PLEKHB2: variants seen among roughly 807,000 people sequenced by gnomAD.
PLEKHB2 encodes the protein pleckstrin homology domain containing B2, also known as pleckstrin homology domain-containing family B member 2.
Under a neutral mutation model 36.5 loss-of-function variants are expected in PLEKHB2, and 31 were observed. The observed-to-expected ratio is 0.85, with a 90% CI of 0.64 to 1.15. The LOEUF (loss-of-function observed/expected upper bound fraction) is 1.15. PLEKHB2 is among the 50% of genes most tolerant of loss of function. PLEKHB2 has a pLI of 0.00. For missense variants in PLEKHB2, 262 were observed against 295.3 expected, an observed-to-expected ratio of 0.89 and a Z score of 0.83; for synonymous variants, 119 against 112.0, an observed-to-expected ratio of 1.06 and a Z score of -0.39.
chr2:131,137,071 T>C (rs1330013112), intron 6 of PLEKHB2, among the ~76,000 whole-genome samples: 1 of 151,440 alleles, frequency 6.6e-6, no homozygotes, highest in Admixed American at 6.6e-5. Flanking sequence ...CTCAGCCTCC[T>C]GAGTAGCGGG....
At position 131,146,791 on chromosome 2, in the gene PLEKHB2, T is replaced by TGTGC. The variant is rs772262573; in HGVS notation, c.*19_*22dup. ...TCTTCTAGGGGCCTCAAGGTCTTGA[T>TGTGC]GTGCATAGCTTCTGATAACCCTGTG... On this transcript the variant is annotated 3_prime_UTR_variant, in exon 8 of 8. Transcript: ENST00000693505. The TGTGC allele has an allele frequency of 1.3e-6, 2 of 1,569,616 alleles. No homozygotes were observed. The highest frequency in any genetic ancestry group is 1.7e-6 in the Non-Finnish European group (2 of 1,156,994).
intron 6 of PLEKHB2, among the ~76,000 whole-genome samples, chr2:131,138,085 C>T (rs182896658): frequency 2.1e-5 from 3 of 144,546 alleles, no homozygotes; most frequent in East Asian, 2.0e-4. Flanking sequence ...TAATTTCTAC[C>T]CTTTATATTC....
chr2:131,146,576 T>G (rs568966956), intron 7 of PLEKHB2, 61 bp from the exon 8 acceptor site: 1 of 1,534,844 alleles, frequency 6.5e-7, no homozygotes, highest in Non-Finnish European at 8.8e-7. Context: ...ACTGGTACTT[T>G]GCGTGATGTT....
intron 7 of PLEKHB2, 101 bp downstream of exon 7, chr2:131,140,376 C>G (rs1573626552): frequency 4.8e-6 from 3 of 631,198 alleles, no homozygotes; most frequent in Non-Finnish European, 5.6e-6. Context: ...GTTACATGAG[C>G]TATATTTTCT....
Position 131,140,169 on chromosome 2 carries a change from G to A in PLEKHB2, c.426G>A (p.Gln142=), listed in dbSNP as rs1188276705. 1.2e-6 allele frequency: 2 copies of A among 1,600,012 alleles called. No homozygotes were observed. The highest frequency in any genetic ancestry group is 1.7e-6 in the Non-Finnish European group (2 of 1,169,336). ...YTAYAAPAPE[Q]AYGYGPYGGA... ...CTAATGGGCCTGTTTCTTTTCAGCAGGCTTATGGCTATGGGCCATACGGTG... is the reference window on the plus strand; with the variant it reads ...CTAATGGGCCTGTTTCTTTTCAGCAAGCTTATGGCTATGGGCCATACGGTG... Residue 142 remains glutamine (Q), a splice_region_variant and synonymous_variant, in exon 7 of 8, where the codon CAG becomes CAA. Transcript: ENST00000693505.
In PLEKHB2 at chr2:131,125,186, G is replaced by A. The variant is rs923162214; in HGVS notation, c.38-567G>A. The stretch of plus-strand genomic sequence containing the variant: ...AATCTGGCAATTTAGACAATATTTG[G>A]AAATTTAGAAAGTTGAAAAGTTTGA... On this transcript the variant is annotated intron_variant, in intron 2 of 7. Coordinates refer to ENST00000693505, the MANE Select transcript of PLEKHB2 (RefSeq NM_001100623.2). Among the ~76,000 whole-genome samples, 5 of 152,312 alleles carry A rather than the reference G, an allele frequency of 3.3e-5. No homozygotes were observed. In the East Asian group the frequency reaches 9.6e-4, roughly 29 times the overall value.
intron 3 of PLEKHB2, 78 bp downstream of exon 3, chr2:131,125,983 C>A: frequency 7.1e-7 from 1 of 1,407,464 alleles, no homozygotes; most frequent in Non-Finnish European, 9.9e-7. Context: ...TCTTCCTTCC[C>A]TGTTCTGCTT....
chr2:131,147,448 A>T lies in PLEKHB2; in HGVS notation c.*675A>T, dbSNP rs1699377345. On this transcript the variant is annotated 3_prime_UTR_variant, in exon 8 of 8. Coordinates refer to ENST00000693505, the MANE Select transcript of PLEKHB2 (RefSeq NM_001100623.2). The stretch of plus-strand genomic sequence containing the variant: ...TTTGGTAGGCATACTTGGAGAACAT[A>T]TCCCACATTAGGAATTGATTTAAGC... 1 of 152,368 alleles carries T rather than the reference A, an allele frequency of 6.6e-6. No homozygotes were observed. Among genetic ancestry groups the T allele is most frequent in the Non-Finnish European group, 1.5e-5 (1 of 68,054 alleles). The allele number at this position is 152,368 out of a possible 1,614,324, so 9.4% of individuals were successfully genotyped here.
intron 2 of PLEKHB2, among the ~76,000 whole-genome samples, chr2:131,124,779 AC>A (rs1403038422): frequency 6.6e-6 from 1 of 151,500 alleles, no homozygotes; most frequent in Non-Finnish European, 1.5e-5. Flanking sequence ...AAGAAAAAAA[AC>A]GTGTTTTTTC....
chr2:131,137,889 G>A (rs1283468949), intron 6 of PLEKHB2, among the ~76,000 whole-genome samples: 1 of 151,890 alleles, frequency 6.6e-6, no homozygotes, highest in Non-Finnish European at 1.5e-5. Flanking sequence ...TAGGCTTGGG[G>A]TTTTGCTAAA....
chr2:131,141,639 CAAAA>C (rs771541896), intron 7 of PLEKHB2, among the ~76,000 whole-genome samples: 6 of 57,124 alleles, frequency 1.1e-4, no homozygotes, highest in African/African-American at 2.4e-4. Flanking sequence ...GACTCCGTCT[CAAAA>C]AAAAAAAAAA....
intron 2 of PLEKHB2, among the ~76,000 whole-genome samples, 169 bp from the exon 3 acceptor site, chr2:131,125,584 A>G (rs905324276): frequency 6.6e-6 from 1 of 152,174 alleles, no homozygotes; most frequent in Non-Finnish European, 1.5e-5. Flanking sequence ...ATGTGCCTGT[A>G]GTCGCAGCTA....
chr2:131,106,937 C>T (rs1694796566), intron 1 of PLEKHB2, among the ~76,000 whole-genome samples: 2 of 152,182 alleles, frequency 1.3e-5, no homozygotes, highest in South Asian at 4.1e-4. Flanking sequence ...GTGGTACATT[C>T]TGTAAGTAAA....
At chr2:131,137,079 G>A (rs555868094) in intron 6 of PLEKHB2, among the ~76,000 whole-genome samples, 7 of 150,880 alleles carry the variant, frequency 4.6e-5, no homozygotes, top group Non-Finnish European at 8.8e-5. Flanking sequence ...CCTGAGTAGC[G>A]GGGACTACAG....
rs182671708 is a variant in PLEKHB2, at chr2:131,116,670, G to T, written c.-8-4264G>T. ...CAGTCACCTCCCACCAGGCCCCTCT[G>T]CCAACACTGGGGATTACAATTCCAC... On this transcript the variant is annotated intron_variant, in intron 1 of 7. Transcript: ENST00000693505. Among the ~76,000 whole-genome samples the T allele has an allele frequency of 3.3e-4, 50 of 152,234 alleles. No individual in the cohort carries two copies. The East Asian group carries it at 9.1e-3, about 28-fold the overall frequency.
chr2:131,120,217 G>A lies in PLEKHB2; in HGVS notation c.-8-717G>A, dbSNP rs187975883. ...CCTGACCTCCTGATCCGCCCACCTC[G>A]GCCTCCCAAAGTGCTGGGATTACAG... On this transcript the variant is annotated intron_variant, in intron 1 of 7. Transcript: ENST00000693505. 5.6e-3 allele frequency: 857 copies of A among 151,888 alleles called. 5 individuals are homozygous for A. The highest frequency in any genetic ancestry group is 0.02 in the African/African-American group (815 of 41,352). The allele number at this position is 151,888 out of a possible 1,614,324, so 9.4% of individuals were successfully genotyped here.
chr2:131,114,282 C>T (rs929912595), intron 1 of PLEKHB2, among the ~76,000 whole-genome samples: 14 of 152,074 alleles, frequency 9.2e-5, no homozygotes, highest in African/African-American at 2.4e-4. Flanking sequence ...CCCGCCCCCA[C>T]GCCCGGCTAA....
chr2:131,123,775 A>AC (rs1268166212), intron 2 of PLEKHB2, among the ~76,000 whole-genome samples: 17 of 38,754 alleles, frequency 4.4e-4, no homozygotes, highest in South Asian at 1.6e-3. Flanking sequence ...CACCCCCCCC[A>AC]CCCCCCCCCC....
rs766668437 is a variant in PLEKHB2 at position 131,140,271 on chromosome 2, T to C, written c.528T>C (p.Tyr176=). Residue 176 remains tyrosine (Y), a synonymous_variant, in exon 7 of 8, where the codon TAT becomes TAC. Transcript: ENST00000693505. ...QAYAVPYQYP[Y]AGLYGQQPAN... is the part of the protein sequence containing the mutation. Reference sequence around the variant, plus strand: ...ATGCCGTGCCCTACCAGTACCCATATGCAGGTAACTCACGCCGGCCTTTCA... The same window carrying C: ...ATGCCGTGCCCTACCAGTACCCATACGCAGGTAACTCACGCCGGCCTTTCA... The C allele has an allele frequency of 3.0e-5, 47 of 1,559,390 alleles. No individual in the cohort carries two copies. Among genetic ancestry groups the C allele is most frequent in the Non-Finnish European group, 3.9e-5 (44 of 1,131,988 alleles).
Sources: allele counts gnomAD v4.1 joint callset (sites outside exome capture counted in the v4.1 genomes callset), GRCh38; gene constraint gnomAD v4.1.1; transcripts MANE v1.5; gene names NCBI Gene and HGNC (gene_info 2026-07-23, HGNC 2026-07-21).